The following DOCK3 variants were observed in gnomAD, a reference collection of about 807,000 sequenced individuals.
DOCK3 encodes the protein dedicator of cytokinesis 3, also known as dedicator of cytokinesis protein 3.
A neutral mutation model predicts 265.6 loss-of-function variants in DOCK3; 60 were observed. That is an observed-to-expected ratio of 0.23 (90% CI 0.18 to 0.28). DOCK3 has a LOEUF of 0.28. Ranked by LOEUF, DOCK3 falls within the 10% of genes least tolerant of loss-of-function variation. DOCK3 has a pLI of 1.00. For synonymous variants in DOCK3, 881 were observed against 938.0 expected, an observed-to-expected ratio of 0.94 and a Z score of 1.11; for missense variants, 1,981 against 2,594.3, an observed-to-expected ratio of 0.76 and a Z score of 5.14.
chr3:51,356,325 T>C, intron 42 of DOCK3, 70 bp downstream of exon 42: 1 of 1,611,836 alleles, frequency 6.2e-7, no homozygotes, highest in African/African-American at 1.3e-5. Context: ...CCTTGGGAAC[T>C]CACCACTGTT....
Position 51,300,478 on chromosome 3 carries a change from C to T in DOCK3, c.2923-9754C>T, listed in dbSNP as rs564172116. ...GAGAGAAGGCATCCTTGTCTTGTGC[C>T]GGTTTTCAAGGGGAATGCTTCCAGC... On this transcript the variant is annotated intron_variant, in intron 27 of 52. Coordinates refer to ENST00000266037, the MANE Select transcript of DOCK3 (RefSeq NM_004947.5). 1.4e-4 allele frequency among the ~76,000 whole-genome samples: 22 copies of T among 152,216 alleles called. No homozygotes were observed. In the East Asian group the frequency reaches 3.9e-3, roughly 27 times the overall value.
At position 50,880,621 on chromosome 3, in the gene DOCK3, T is replaced by C. The variant is rs373863982; in HGVS notation, c.163-9405T>C. ...ATAGACCAATAACAGGTTCTGAAAT[T>C]GAGGCAATAATTAATAGCCTACCAA... On this transcript the variant is annotated intron_variant, in intron 3 of 52. Transcript: ENST00000266037. The C allele has an allele frequency of 2.0e-4, 32 of 157,886 alleles. No individual in the cohort carries two copies. In the East Asian group the frequency reaches 5.5e-3, roughly 27 times the overall value. 9.8% of individuals were successfully genotyped at this position (157,886 alleles called of 1,614,324 possible).
intron 2 of DOCK3, among the ~76,000 whole-genome samples, chr3:50,812,842 C>A (rs2043846118): frequency 6.6e-6 from 1 of 152,198 alleles, no homozygotes; most frequent in South Asian, 2.1e-4. Flanking sequence ...ATAATAGTAA[C>A]CATCACAGGC....
intron 12 of DOCK3, among the ~76,000 whole-genome samples, chr3:51,167,026 A>G (rs1360136570): frequency 6.6e-6 from 1 of 152,184 alleles, no homozygotes; most frequent in Non-Finnish European, 1.5e-5. Flanking sequence ...ATCTCAAAAA[A>G]TCACTGCTAA....
intron 26 of DOCK3, chr3:51,278,393 T>C: frequency 2.0e-6 from 2 of 985,192 alleles, no homozygotes; most frequent in Non-Finnish European, 2.4e-6. Context: ...AGCCCTGAGG[T>C]GGGGATGTGA....
At chr3:50,791,521 G>A (rs1033089253) in intron 2 of DOCK3, among the ~76,000 whole-genome samples, 10 of 152,014 alleles carry the variant, frequency 6.6e-5, no homozygotes, top group South Asian at 2.1e-4. Flanking sequence ...TGATCCACCC[G>A]CCTCGGCCTC....
At chr3:51,038,487 C>T (rs1418670314) in intron 5 of DOCK3, among the ~76,000 whole-genome samples, 2 of 152,136 alleles carry the variant, frequency 1.3e-5, no homozygotes, top group Admixed American at 1.3e-4. Flanking sequence ...ACACATCAGA[C>T]CATCACACTG....
chr3:51,149,923 TCCTCTTTGTA>T (rs1031040412), intron 10 of DOCK3, among the ~76,000 whole-genome samples: 6 of 152,200 alleles, frequency 3.9e-5, no homozygotes, highest in African/African-American at 1.4e-4. Context: ...TGGTACCAGC[TCCTCTTTGTA>T]CCTCTGGTAG....
intron 9 of DOCK3, among the ~76,000 whole-genome samples, chr3:51,095,304 T>C (rs552029900): frequency 6.6e-6 from 1 of 152,334 alleles, no homozygotes; most frequent in East Asian, 1.9e-4. Flanking sequence ...ATACTGGTTT[T>C]TCCTTTCCAT....
At chr3:50,958,229 G>A (rs1318568452) in intron 5 of DOCK3, among the ~76,000 whole-genome samples, 1 of 152,168 alleles carries the variant, frequency 6.6e-6, no homozygotes, top group African/African-American at 2.4e-5. Flanking sequence ...GTCCTTGACT[G>A]GGGTTGTCTT....
intron 9 of DOCK3, among the ~76,000 whole-genome samples, chr3:51,110,182 C>G (rs552073528): frequency 2.1e-3 from 312 of 151,942 alleles, no homozygotes; most frequent in African/African-American, 7.3e-3. Context: ...GCCTACCAGC[C>G]AAATAAATAA....
At chr3:51,351,062 C>T (rs2085941945) in intron 40 of DOCK3, among the ~76,000 whole-genome samples, 1 of 152,184 alleles carries the variant, frequency 6.6e-6, no homozygotes, top group Non-Finnish European at 1.5e-5. Context: ...GAGCATAGAT[C>T]TACTGACACC....
intron 51 of DOCK3, chr3:51,379,675 G>C: frequency 1.0e-6 from 1 of 974,854 alleles, no homozygotes; most frequent in South Asian, 4.7e-5. Flanking sequence ...CATTCTCTGG[G>C]CCGACTCAGC....
At chr3:51,240,904 T>A (rs1204913633) in intron 21 of DOCK3, among the ~76,000 whole-genome samples, 12 of 152,216 alleles carry the variant, frequency 7.9e-5, no homozygotes, top group Non-Finnish European at 1.8e-4. Flanking sequence ...CTATGCCTTT[T>A]AATTGGGAAA....
At chr3:51,355,862 G>A (rs1654308685) in intron 41 of DOCK3, among the ~76,000 whole-genome samples, 1 of 152,160 alleles carries the variant, frequency 6.6e-6, no homozygotes, top group Admixed American at 6.5e-5. Flanking sequence ...TTGGCTGAGT[G>A]CTCATGAAAC....
chr3:51,326,592 G>A (rs1004642773), intron 32 of DOCK3, among the ~76,000 whole-genome samples: 1 of 100,390 alleles, frequency 1.0e-5, no homozygotes, highest in Non-Finnish European at 2.3e-5. Context: ...TTTTGTTGTT[G>A]TTGTTGTTGT....
At chr3:51,264,867 C>CTT (rs1560312574) in intron 23 of DOCK3, among the ~76,000 whole-genome samples, 7 of 61,046 alleles carry the variant, frequency 1.1e-4, no homozygotes, top group Non-Finnish European at 2.1e-4. Context: ...TAACTTAGAT[C>CTT]AGAACAGAGA....
chr3:51,056,538 G>A lies in DOCK3; in HGVS notation c.316-7910G>A, dbSNP rs370084360. ...GCTGGGATTACAGGCGTGAGCCACT[G>A]TGCCTGGCCATTTAAAGGTATTTTT... On this transcript the variant is annotated intron_variant, in intron 5 of 52. Coordinates refer to ENST00000266037, the MANE Select transcript of DOCK3 (RefSeq NM_004947.5). Among the ~76,000 whole-genome samples, 7 of 152,196 alleles carry A rather than the reference G, an allele frequency of 4.6e-5. No individual in the cohort carries two copies. In the East Asian group the frequency reaches 1.2e-3, roughly 25 times the overall value.
At chr3:50,807,824 CTGTAGCCTTGGCCTTCTCG>C (rs1433375267) in intron 2 of DOCK3, among the ~76,000 whole-genome samples, 5 of 152,218 alleles carry the variant, frequency 3.3e-5, no homozygotes, top group African/African-American at 1.2e-4. Context: ...TCACAGCTCA[CTGTAGCCTTGGCCTTCTCG>C]TGTTCAAGCA....
Sources: gnomAD v4.1 joint callset for allele counts (sites outside exome capture counted in the v4.1 genomes callset) on GRCh38, gnomAD v4.1.1 for gene constraint, MANE v1.5 for transcripts, NCBI Gene and HGNC (gene_info 2026-07-23, HGNC 2026-07-21) for gene names.